Variants in EIF3K observed in about 807,000 individuals in gnomAD.
EIF3K encodes the protein eukaryotic translation initiation factor 3 subunit K.
In EIF3K, 27 loss-of-function variants were observed where a neutral mutation model predicts 34.2. The ratio of observed to expected loss-of-function variants is 0.79; its 90% CI spans 0.58 to 1.09. The LOEUF (loss-of-function observed/expected upper bound fraction) is 1.09. Ranked by LOEUF, EIF3K falls within the 50% of genes least tolerant of loss-of-function variation. The probability of loss-of-function intolerance (pLI) is 0.00; values close to 1 mark genes in which losing one functional copy is unlikely to be tolerated. For synonymous variants in EIF3K, 105 were observed against 105.7 expected, an observed-to-expected ratio of 0.99 and a Z score of 0.04; for missense variants, 232 against 275.4, an observed-to-expected ratio of 0.84 and a Z score of 1.11.
In EIF3K at chr19:38,634,998, C is replaced by G. The variant is rs1568658827; in HGVS notation, c.505C>G (p.Gln169Glu). ...AEMLGDLSDS[Q>E]LKVWMSKYGW... is the part of the protein sequence containing the mutation. The stretch of plus-strand genomic sequence containing the variant: ...GCTGCCCCTGTCACCTGCAGACAGC[C>G]AGCTAAAGGTGTGGATGAGCAAATA... Residue 169 changes from glutamine (Q) to glutamate (E), a missense_variant, in exon 7 of 8, where the codon CAG becomes GAG. Transcript: ENST00000248342. 1.2e-6 allele frequency: 2 copies of G among 1,614,116 alleles called. No individual in the cohort carries two copies.
intron 2 of EIF3K, among the ~76,000 whole-genome samples, chr19:38,621,794 T>A (rs1975846059): frequency 6.6e-6 from 1 of 152,164 alleles, no homozygotes; most frequent in Non-Finnish European, 1.5e-5. Context: ...TTGTTTTTGA[T>A]ATGGCTGCAG....
rs1245180579 is a variant in EIF3K at position 38,624,208 on chromosome 19, A to G, written c.279+11A>G. Reference sequence around the variant, plus strand: ...ATCGACCAGGCACATGTATCCTTCCAGCACTGGGGCCGGGGGGTGTGTGGG... The same window carrying G: ...ATCGACCAGGCACATGTATCCTTCCGGCACTGGGGCCGGGGGGTGTGTGGG... On this transcript the variant is annotated intron_variant, in intron 3 of 7. Transcript: ENST00000248342. 1.2e-6 allele frequency: 2 copies of G among 1,613,926 alleles called. No individual in the cohort carries two copies. The highest frequency in any genetic ancestry group is 1.7e-6 in the Non-Finnish European group (2 of 1,179,960).
intron 7 of EIF3K, chr19:38,635,729 A>T: frequency 6.5e-6 from 1 of 152,756 alleles, no homozygotes; most frequent in Non-Finnish European, 1.5e-5. Flanking sequence ...ACAGTTCATT[A>T]AATGTTCATT....
At chr19:38,636,802 C>T (rs897372403) in intron 7 of EIF3K, 87 bp from the exon 8 acceptor site, 3 of 1,490,666 alleles carry the variant, frequency 2.0e-6, no homozygotes, top group Non-Finnish European at 2.8e-6. Flanking sequence ...ATGATCTCCC[C>T]CTAAAGAATT....
At chr19:38,627,408 T>C (rs551893188) in intron 4 of EIF3K, among the ~76,000 whole-genome samples, 103 of 151,282 alleles carry the variant, frequency 6.8e-4, no homozygotes, top group African/African-American at 2.5e-3. Context: ...TCAACGCCTG[T>C]AATCCCAGCA....
intron 4 of EIF3K, among the ~76,000 whole-genome samples, chr19:38,627,474 G>A (rs1350706873): frequency 6.6e-6 from 1 of 151,814 alleles, no homozygotes; most frequent in Non-Finnish European, 1.5e-5. Flanking sequence ...AGACCAGCCT[G>A]ACCAACGTGG....
chr19:38,621,143 C>T (rs993990322), intron 2 of EIF3K, among the ~76,000 whole-genome samples: 3 of 151,170 alleles, frequency 2.0e-5, no homozygotes, highest in Non-Finnish European at 2.9e-5. Flanking sequence ...GTGCAGTGAG[C>T]CATGATAGTG....
intron 2 of EIF3K, 133 bp downstream of exon 2, chr19:38,620,568 A>G (rs1687506234): frequency 1.2e-6 from 1 of 801,718 alleles, no homozygotes. Context: ...CTAGGAAGCC[A>G]AGGAAGTTGG....
Position 38,620,346 on chromosome 19 carries a change from T to C in EIF3K, c.69T>C (p.Pro23=). The change falls in exon 2 of 8, where the codon CCT becomes CCC. Residue 23 remains proline, a synonymous_variant. Transcript: ENST00000248342. ...KLLKGIDRYN[P]ENLATLERYV... is the part of the protein sequence containing the mutation. ...CTTGATTCTCCTTTAGGTACAATCC[T>C]GAGAACCTGGCCACCCTGGAGCGCT... 6.2e-7 allele frequency: 1 copy of C among 1,613,922 alleles called. No individual in the cohort carries two copies. Among genetic ancestry groups the C allele is most frequent in the Non-Finnish European group, 8.5e-7 (1 of 1,179,930 alleles).
At chr19:38,625,137 GT>G (rs202097230) in intron 3 of EIF3K, among the ~76,000 whole-genome samples, 1 of 150,668 alleles carries the variant, frequency 6.6e-6, no homozygotes. Flanking sequence ...TTTAAGGTGG[GT>G]TTTTTTTTGT....
At chr19:38,633,198 T>A (rs543335660) in intron 6 of EIF3K, among the ~76,000 whole-genome samples, 1 of 152,008 alleles carries the variant, frequency 6.6e-6, no homozygotes, top group African/African-American at 2.4e-5. Context: ...AGTAGAGAGC[T>A]GGGGGTTGGA....
At chr19:38,633,092 G>T (rs1976106256) in intron 6 of EIF3K, among the ~76,000 whole-genome samples, 1 of 152,190 alleles carries the variant, frequency 6.6e-6, no homozygotes, top group Non-Finnish European at 1.5e-5. Context: ...CGTGGCCTGA[G>T]GTAGTGCAGA....
At chr19:38,633,426 C>T (rs552588809) in intron 6 of EIF3K, among the ~76,000 whole-genome samples, 7 of 151,944 alleles carry the variant, frequency 4.6e-5, no homozygotes, top group East Asian at 1.9e-4. Context: ...AGGCCGGGTG[C>T]GGTGGCTCCC....
At chr19:38,621,526 A>G (rs1258425239) in intron 2 of EIF3K, among the ~76,000 whole-genome samples, 2 of 152,242 alleles carry the variant, frequency 1.3e-5, no homozygotes, top group African/African-American at 4.8e-5. Context: ...TTTATGTTGC[A>G]AAGTTATTGC....
chr19:38,632,610 ATGT>A lies in EIF3K; in HGVS notation c.435_437del (p.Val146del). ...TCTCTGACCTCCACAGTTATCTGCC[ATGT>A]TGTGGGTATCACTTACCAGCACATT... On this transcript the variant is annotated inframe_deletion, in exon 6 of 8. Transcript: ENST00000248342. The A allele has an allele frequency of 1.2e-6, 2 of 1,613,946 alleles. No homozygotes were observed. The highest frequency in any genetic ancestry group is 1.7e-6 in the Non-Finnish European group (2 of 1,179,908).
intron 7 of EIF3K, 72 bp from the exon 8 acceptor site, chr19:38,636,817 G>T: frequency 6.4e-7 from 1 of 1,559,218 alleles, no homozygotes; most frequent in Non-Finnish European, 8.8e-7. Context: ...AGAATTGTGG[G>T]TGCTGTAGCA....
At chr19:38,620,287 G>A in intron 1 of EIF3K, 50 bp from the exon 2 acceptor site, 3 of 1,535,202 alleles carry the variant, frequency 2.0e-6, no homozygotes, top group Non-Finnish European at 2.7e-6. Flanking sequence ...TAAGGTGGCT[G>A]GCCTCAGCTT....
At chr19:38,628,854 A>C (rs12976749) in intron 4 of EIF3K, among the ~76,000 whole-genome samples, 49,215 of 151,112 alleles carry the variant, frequency 0.33, 9,023 homozygotes, top group East Asian at 0.59. Flanking sequence ...GTCGCATGTG[A>C]CTCCCCTGTC....
rs1299052203 is a variant in EIF3K at position 38,624,159 on chromosome 19, G to T, written c.241G>T (p.Asp81Tyr). Reference sequence around the variant, plus strand: ...GGCCCTCACCAACTTGCCGCACACAGACTTCACCCTGTGCAAGTGCATGAT... The same window carrying T: ...GGCCCTCACCAACTTGCCGCACACATACTTCACCCTGTGCAAGTGCATGAT... ...LKALTNLPHT[D>Y]FTLCKCMIDQ... is the part of the protein sequence containing the mutation. Residue 81 changes from aspartate to tyrosine, a missense_variant, in exon 3 of 8, where the codon GAC (aspartate) becomes TAC (tyrosine). Transcript: ENST00000248342. 6.2e-7 allele frequency: 1 copy of T among 1,614,180 alleles called. No individual in the cohort carries two copies. Among genetic ancestry groups the T allele is most frequent in the Non-Finnish European group, 8.5e-7 (1 of 1,180,032 alleles).
Sources: allele counts gnomAD v4.1 joint callset (sites outside exome capture counted in the v4.1 genomes callset), GRCh38; gene constraint gnomAD v4.1.1; transcripts MANE v1.5; gene names NCBI Gene and HGNC (gene_info 2026-07-23, HGNC 2026-07-21).